DEFB114: variants seen among roughly 807,000 people sequenced by gnomAD.
DEFB114 encodes defensin beta 114.
In DEFB114, 4 loss-of-function variants were observed where a neutral mutation model predicts 2.4. The observed-to-expected ratio is 1.67, with a 90% CI of 0.82 to 3.82. The LOEUF (loss-of-function observed/expected upper bound fraction) is 3.82. Ranked by LOEUF, DEFB114 falls within the 30% of genes most tolerant of loss-of-function variation. DEFB114 has a pLI of 0.01. For missense variants in DEFB114, 113 were observed against 85.8 expected (o/e 1.32, Z -1.25); for synonymous variants, 35 against 24.6 (o/e 1.42, Z -1.26).
intron 1 of DEFB114, 33 bp from the exon 2 acceptor site, chr6:49,960,479 T>C (rs750946612): frequency 5.7e-6 from 9 of 1,566,970 alleles, no homozygotes; most frequent in East Asian, 2.3e-5. Flanking sequence ...GAAATTCTAA[T>C]CTTTTATTTA....
chr6:49,961,960 A>G (rs771957814), intron 1 of DEFB114, among the ~76,000 whole-genome samples: 18 of 150,750 alleles, frequency 1.2e-4, no homozygotes, highest in Admixed American at 9.3e-4. Context: ...TAATTCTTCC[A>G]TGTTCATTAT....
intron 1 of DEFB114, among the ~76,000 whole-genome samples, chr6:49,961,053 G>T (rs949754981): frequency 1.0e-4 from 15 of 150,462 alleles, no homozygotes; most frequent in African/African-American, 3.6e-4. Flanking sequence ...AAGTTCATAA[G>T]AATTTTAAAA....
chr6:49,964,025 A>G (rs1007579820), intron 1 of DEFB114, 26 bp downstream of exon 1: 2 of 1,516,570 alleles, frequency 1.3e-6, no homozygotes, highest in Admixed American at 2.0e-5. Flanking sequence ...AGTTTTACAC[A>G]AATATAACAG....
At chr6:49,963,135 T>A (rs920698197) in intron 1 of DEFB114, among the ~76,000 whole-genome samples, 2 of 150,184 alleles carry the variant, frequency 1.3e-5, no homozygotes, top group African/African-American at 4.9e-5. Flanking sequence ...AATAAAAGGA[T>A]GTTTCTAACT....
At chr6:49,963,103 C>T (rs1489048574) in intron 1 of DEFB114, among the ~76,000 whole-genome samples, 1 of 150,150 alleles carries the variant, frequency 6.7e-6, no homozygotes, top group Non-Finnish European at 1.5e-5. Context: ...CAATTATACA[C>T]AAACTTTTCC....
In DEFB114 at chr6:49,960,412, G is replaced by A; in HGVS notation, c.90C>T (p.Thr30=). 1 of 1,605,606 alleles carries A rather than the reference G, an allele frequency of 6.2e-7. No homozygotes were observed. The highest frequency in any genetic ancestry group is 8.5e-7 in the Non-Finnish European group (1 of 1,175,358). Residue 30 remains threonine (T), a synonymous_variant, in exon 2 of 2, where the codon ACC becomes ACT. Coordinates refer to ENST00000322066, the MANE Select transcript of DEFB114 (RefSeq NM_001037499.2). ...CTCTTTTACAACGACCGTAACGTTT[G>A]GTGCAACGATCAGCATTCACCAAGG... ...TCTLVNADRC[T]KRYGRCKRDC... is the part of the protein sequence containing the mutation.
rs1243989614 is a variant in DEFB114 at position 49,960,305 on chromosome 6, T to C, written c.197A>G (p.Asp66Gly). ...ATGCCTTTCTTTTCAAAACATATCA[T>C]CTTCTTCATACAATTTCTCAGTGCA... is the stretch of plus-strand genomic sequence containing the variant. The part of the protein sequence containing the change: ...ICCTEKLYEE[D>G]DMF The change falls in exon 2 of 2, where the codon GAT becomes GGT. Residue 66 changes from aspartate to glycine, a missense_variant. By Grantham distance (94) the Asp-to-Gly change is moderately conservative (BLOSUM62 -1). Coordinates refer to ENST00000322066, the MANE Select transcript of DEFB114 (RefSeq NM_001037499.2). 1.9e-6 allele frequency: 3 copies of C among 1,604,670 alleles called. 1 individual carries two copies. Among genetic ancestry groups the C allele is most frequent in the Admixed American group, 3.4e-5 (2 of 59,044 alleles).
At chr6:49,963,447 T>C (rs1233583237) in intron 1 of DEFB114, among the ~76,000 whole-genome samples, 3 of 150,074 alleles carry the variant, frequency 2.0e-5, no homozygotes, top group Non-Finnish European at 4.5e-5. Context: ...TATTACATGT[T>C]TGTAACTGTC....
chr6:49,962,719 G>A (rs34066836), intron 1 of DEFB114, among the ~76,000 whole-genome samples: 1 of 150,088 alleles, frequency 6.7e-6, no homozygotes, highest in East Asian at 1.9e-4. Context: ...TTGCATCTCA[G>A]GTTATTTGGA....
Position 49,960,266 on chromosome 6 carries a change from C to A in DEFB114, c.*26G>T, listed in dbSNP as rs1451292094. 12 of 1,573,992 alleles carry A rather than the reference C, an allele frequency of 7.6e-6. No individual in the cohort carries two copies. In the Admixed American group the frequency reaches 9.3e-5, roughly 12 times the overall value. On this transcript the variant is annotated 3_prime_UTR_variant, in exon 2 of 2. Coordinates refer to ENST00000322066, the MANE Select transcript of DEFB114 (RefSeq NM_001037499.2). ...CTCTGCACTGGTGCACATGTAACTT[C>A]TTTGTTCAGAGGTATGCCTTTCTTT...
intron 1 of DEFB114, among the ~76,000 whole-genome samples, chr6:49,962,438 A>G (rs1773477917): frequency 6.7e-6 from 1 of 150,322 alleles, no homozygotes; most frequent in South Asian, 2.1e-4. Flanking sequence ...TTTCTATTGG[A>G]CAGTCTGTCT....
intron 1 of DEFB114, 107 bp from the exon 2 acceptor site, chr6:49,960,553 CA>C (rs370275689): frequency 1.0e-3 from 1,209 of 1,173,700 alleles, no homozygotes; most frequent in South Asian, 1.5e-3. Flanking sequence ...TAGAAAATAC[CA>C]AAAAAAAATA....
Position 49,960,385 on chromosome 6 carries a change from G to C in DEFB114, c.117C>G (p.Asp39Glu). 1.9e-6 allele frequency: 3 copies of C among 1,608,556 alleles called. No individual in the cohort carries two copies. The highest frequency in any genetic ancestry group is 2.5e-6 in the Non-Finnish European group (3 of 1,176,710). Reference sequence around the variant, plus strand: ...CTATTTGCTTTTCACTCTCAAGACAGTCTCTTTTACAACGACCGTAACGTT... The same window carrying C: ...CTATTTGCTTTTCACTCTCAAGACACTCTCTTTTACAACGACCGTAACGTT... ...CTKRYGRCKR[D>E]CLESEKQIDI... Residue 39 changes from aspartate (D) to glutamate (E), a missense_variant, in exon 2 of 2, where the codon GAC becomes GAG. Physicochemically the swap from Asp to Glu is conservative, Grantham distance 45. Coordinates refer to ENST00000322066, the MANE Select transcript of DEFB114 (RefSeq NM_001037499.2).
intron 1 of DEFB114, among the ~76,000 whole-genome samples, chr6:49,962,271 A>G (rs1435105284): frequency 6.6e-6 from 1 of 150,422 alleles, no homozygotes. Flanking sequence ...TCAATTTAGT[A>G]ATTATGATGT....
At position 49,960,305 on chromosome 6, in the gene DEFB114, T is replaced by A; in HGVS notation, c.197A>T (p.Asp66Val). ...ATGCCTTTCTTTTCAAAACATATCA[T>A]CTTCTTCATACAATTTCTCAGTGCA... Reference protein sequence around the residue: ...ICCTEKLYEEDDMF With the variant: ...ICCTEKLYEEVDMF The change falls in exon 2 of 2, where the codon GAT (aspartate) becomes GTT (valine). Residue 66 changes from aspartate to valine, a missense_variant. Asp to Val is a radical substitution (Grantham distance 152, BLOSUM62 -3). Transcript: ENST00000322066. 1 of 1,604,670 alleles carries A rather than the reference T, an allele frequency of 6.2e-7. No individual in the cohort carries two copies. The highest frequency in any genetic ancestry group is 8.5e-7 in the Non-Finnish European group (1 of 1,174,776).
At chr6:49,963,283 A>G (rs533112512) in intron 1 of DEFB114, among the ~76,000 whole-genome samples, 1 of 150,334 alleles carries the variant, frequency 6.7e-6, no homozygotes, top group Non-Finnish European at 1.5e-5. Flanking sequence ...TGTAGCATAT[A>G]TACTAATATC....
chr6:49,963,819 T>A (rs966506571), intron 1 of DEFB114, among the ~76,000 whole-genome samples: 3 of 149,912 alleles, frequency 2.0e-5, no homozygotes, highest in Non-Finnish European at 3.0e-5. Flanking sequence ...TCCAAAAAAA[T>A]TGAAAGATGT....
chr6:49,961,854 TATGTGA>T (rs1306330608), intron 1 of DEFB114, among the ~76,000 whole-genome samples: 1 of 150,862 alleles, frequency 6.6e-6, no homozygotes, highest in Non-Finnish European at 1.5e-5. Context: ...TTTAAAGCTT[TATGTGA>T]ATGCAACAGT....
rs1165380339 is a variant in DEFB114, at chr6:49,960,453, TAAAAG to T, written c.56-12_56-8del. On this transcript the variant is annotated splice_polypyrimidine_tract_variant and splice_region_variant and intron_variant, in intron 1 of 1. Transcript: ENST00000322066. ...TTCACCAAGGTACATGTGGCTACGG[TAAAAG>T]AAGAGTAACAGAAATTCTAATCTTT... The T allele has an allele frequency of 3.2e-6, 5 of 1,580,594 alleles. No homozygotes were observed. In the Admixed American group the frequency reaches 7.7e-5, roughly 24 times the overall value.
Sources: gnomAD v4.1 joint callset for allele counts (sites outside exome capture counted in the v4.1 genomes callset) on GRCh38, gnomAD v4.1.1 for gene constraint, MANE v1.5 for transcripts, NCBI Gene and HGNC (gene_info 2026-07-23, HGNC 2026-07-21) for gene names.